The following GLI3 variants were observed in gnomAD, a reference collection of about 807,000 sequenced individuals.
GLI3 encodes the protein transcription activator GLI3.
A neutral mutation model predicts 100.8 loss-of-function variants in GLI3; 20 were observed. The ratio of observed to expected loss-of-function variants is 0.20; its 90% CI spans 0.14 to 0.29. The LOEUF is 0.29. GLI3 is among the 10% of genes least tolerant of loss of function. The pLI, the probability that GLI3 is intolerant of heterozygous loss-of-function variation, is 1.00. For missense variants in GLI3, 2,040 were observed against 2,128.5 expected, an observed-to-expected ratio of 0.96 and a Z score of 0.82; for synonymous variants, 938 against 860.5, an observed-to-expected ratio of 1.09 and a Z score of -1.58.
chr7:42,049,669 C>T (rs1257489818), intron 4 of GLI3, among the ~76,000 whole-genome samples: 3 of 152,302 alleles, frequency 2.0e-5, no homozygotes, highest in East Asian at 1.9e-4. Context: ...ACCTGCTGCC[C>T]CATAGCCACA....
chr7:42,109,282 A>C (rs1043460201), intron 3 of GLI3, among the ~76,000 whole-genome samples: 1 of 152,330 alleles, frequency 6.6e-6, no homozygotes, highest in East Asian at 1.9e-4. Flanking sequence ...CAGTCACTAC[A>C]GGGCAGCCAA....
At chr7:42,115,486 C>T (rs1432338184) in intron 3 of GLI3, among the ~76,000 whole-genome samples, 2 of 152,130 alleles carry the variant, frequency 1.3e-5, no homozygotes, top group Non-Finnish European at 2.9e-5. Context: ...GATTTTCAAT[C>T]TCTGAATGGA....
chr7:42,209,390 T>C (rs949379298), intron 2 of GLI3, among the ~76,000 whole-genome samples: 3 of 152,176 alleles, frequency 2.0e-5, no homozygotes, highest in African/African-American at 7.2e-5. Flanking sequence ...ATAGTACATT[T>C]TGGCCTAAAC....
chr7:42,159,546 A>G (rs1262266884), intron 2 of GLI3, among the ~76,000 whole-genome samples: 2 of 152,214 alleles, frequency 1.3e-5, no homozygotes, highest in African/African-American at 4.8e-5. Context: ...ATCAAGAACA[A>G]AACCAGACTA....
At chr7:42,213,854 C>G (rs1788319091) in intron 2 of GLI3, among the ~76,000 whole-genome samples, 1 of 152,242 alleles carries the variant, frequency 6.6e-6, no homozygotes, top group African/African-American at 2.4e-5. Context: ...ATTCTTTCCA[C>G]CCACTAGTAA....
chr7:42,102,395 G>T (rs534179367), intron 3 of GLI3, among the ~76,000 whole-genome samples: 1 of 152,280 alleles, frequency 6.6e-6, no homozygotes, highest in East Asian at 1.9e-4. Context: ...ATTCCCCCAG[G>T]GAGACTCTCA....
Position 41,966,478 on chromosome 7 carries a change from T to A in GLI3, c.2595A>T (p.Ser865=), listed in dbSNP as rs777710110. 2 of 1,613,410 alleles carry A rather than the reference T, an allele frequency of 1.2e-6. No homozygotes were observed. The highest frequency in any genetic ancestry group is 1.1e-5 in the South Asian group (1 of 91,080). Residue 865 remains serine, a synonymous_variant, in exon 15 of 15, where the codon TCA becomes TCT. Transcript: ENST00000395925. This position sits in a 1 kb window ranked among gnomAD's most constrained non-coding sequence, Gnocchi z 5.8. The stretch of plus-strand genomic sequence containing the variant: ...GGCTGGAGAAGCAGGGCGAGATCCC[T>A]GAGGAGCGGCGGCTGCTCAGGTAGG... ...SSAYLSSRRS[S]GISPCFSSRR...
chr7:42,237,777 G>A (rs1788848198), upstream of GLI3: 1 of 152,210 alleles, frequency 6.6e-6, no homozygotes, highest in African/African-American at 2.4e-5. Context: ...AGTGCTGCTC[G>A]CCTTACTTTT....
chr7:42,248,498 A>G lies in GLI3; in HGVS notation c.-43+15496T>C, dbSNP rs188688852. The stretch of plus-strand genomic sequence containing the variant: ...CTTGTCCAGTCCACAATTTGGAGAT[A>G]AGAAAATTTAAATCAAAGACGATTA... On this transcript the variant is annotated intron_variant, in intron 1 of 2. Coordinates refer to the GLI3 transcript ENST00000678978. 3.9e-5 allele frequency among the ~76,000 whole-genome samples: 6 copies of G among 152,318 alleles called. No homozygotes were observed. In the East Asian group the frequency reaches 7.7e-4, roughly 20 times the overall value.
At chr7:42,197,137 T>C (rs1787942761) in intron 2 of GLI3, among the ~76,000 whole-genome samples, 1 of 152,170 alleles carries the variant, frequency 6.6e-6, no homozygotes. Flanking sequence ...AGGACCCCCG[T>C]TACTGACTGC....
At chr7:42,261,200 A>C (rs866407012) in intron 1 of GLI3, among the ~76,000 whole-genome samples, 1 of 147,334 alleles carries the variant, frequency 6.8e-6, no homozygotes, top group Non-Finnish European at 1.5e-5. Flanking sequence ...CACACACACA[A>C]ACACACACAC....
In GLI3 at chr7:42,145,622, GA is replaced by G. The variant is rs59890189; in HGVS notation, c.367+2603del. 8.6e-3 allele frequency: 3,041 copies of G among 352,870 alleles called. 11 individuals carry two copies. The highest frequency in any genetic ancestry group is 0.013 in the South Asian group (90 of 6,728). The allele number at this position is 352,870 out of a possible 1,614,324, so 21.9% of individuals were successfully genotyped here. A position where few individuals can be genotyped will look rare whatever the true frequency, so the allele number is the denominator to read the frequency against. On this transcript the variant is annotated intron_variant, in intron 3 of 14. Coordinates refer to ENST00000395925, the MANE Select transcript of GLI3 (RefSeq NM_000168.6). Reference sequence around the variant, plus strand: ...GTGACCAGGTCTGGCAAGAAAGAAAGAAAAAAAAAAAAAACAGTCTACACTG... The same window carrying G: ...GTGACCAGGTCTGGCAAGAAAGAAAGAAAAAAAAAAAAACAGTCTACACTG...
At position 42,192,350 on chromosome 7, in the gene GLI3, C is replaced by T. The variant is rs146530193; in HGVS notation, c.124+30780G>A. ...CACTTGGGTCCATGCAGCATCTCTT[C>T]CTGACCATCAGCTTCCTAACAGAGT... is the stretch of plus-strand genomic sequence containing the variant. On this transcript the variant is annotated intron_variant, in intron 2 of 14. Coordinates refer to ENST00000395925, the MANE Select transcript of GLI3 (RefSeq NM_000168.6). Among the ~76,000 whole-genome samples the T allele has an allele frequency of 1.1e-3, 170 of 152,298 alleles. 1 individual carries two copies. Among genetic ancestry groups the T allele is most frequent in the African/African-American group, 3.9e-3 (162 of 41,554 alleles).
chr7:42,002,275 GATA>G (rs1788324814), intron 10 of GLI3, among the ~76,000 whole-genome samples: 1 of 152,066 alleles, frequency 6.6e-6, no homozygotes, highest in African/African-American at 2.4e-5. Flanking sequence ...ATATATTAGT[GATA>G]ATAATCTTGA....
At chr7:41,999,397 G>A (rs1469712527) in intron 10 of GLI3, among the ~76,000 whole-genome samples, 1 of 152,172 alleles carries the variant, frequency 6.6e-6, no homozygotes, top group Non-Finnish European at 1.5e-5. Flanking sequence ...GACAGAAAAA[G>A]GTTCTGATTG....
intron 1 of GLI3, among the ~76,000 whole-genome samples, chr7:42,249,631 G>T (rs750277968): frequency 6.6e-5 from 10 of 152,174 alleles, no homozygotes; most frequent in Non-Finnish European, 1.3e-4. Flanking sequence ...TAGGGTGCTT[G>T]TGAGACCGAC....
intron 5 of GLI3, among the ~76,000 whole-genome samples, chr7:42,046,846 T>C (rs1278286874): frequency 1.3e-5 from 2 of 152,216 alleles, no homozygotes; most frequent in Admixed American, 1.3e-4. Context: ...AATTCATATT[T>C]GATTTTTATT....
intron 7 of GLI3, among the ~76,000 whole-genome samples, chr7:42,038,859 T>C (rs955583668): frequency 6.6e-6 from 1 of 152,134 alleles, no homozygotes; most frequent in Non-Finnish European, 1.5e-5. Flanking sequence ...TGCAAACACT[T>C]TTTTTTCTGA....
At chr7:42,230,002 CA>C (rs1194107384) in intron 1 of GLI3, among the ~76,000 whole-genome samples, 3 of 143,130 alleles carry the variant, frequency 2.1e-5, no homozygotes, top group Non-Finnish European at 3.0e-5. Context: ...ATTAGATATG[CA>C]TAACCTTTGT....
Sources: allele counts gnomAD v4.1 joint callset (sites outside exome capture counted in the v4.1 genomes callset), GRCh38; gene constraint gnomAD v4.1.1; non-coding constraint Gnocchi (gnomAD v3.1); transcripts MANE v1.5; gene names NCBI Gene and HGNC (gene_info 2026-07-23, HGNC 2026-07-21).